The following CEP112 variants were observed in gnomAD, a reference collection of about 807,000 sequenced individuals.
The protein encoded by CEP112 is centrosomal protein 112.
CEP112 carries 127 observed loss-of-function variants against 153.0 expected under a neutral mutation model. That is an observed-to-expected ratio of 0.83 (90% CI 0.72 to 0.96). CEP112 has a LOEUF of 0.96. Among genes scored for constraint, CEP112 ranks in the 40% least tolerant of loss-of-function variants. The pLI is 0.00. For missense variants in CEP112, 1,089 were observed against 1,101.2 expected, an observed-to-expected ratio of 0.99 and a Z score of 0.16; for synonymous variants, 358 against 374.4, an observed-to-expected ratio of 0.96 and a Z score of 0.51.
chr17:65,906,268 G>T (rs928972384), intron 19 of CEP112, among the ~76,000 whole-genome samples: 6 of 151,380 alleles, frequency 4.0e-5, no homozygotes, highest in South Asian at 2.1e-4. Context: ...GGCCTGTCGG[G>T]GGGGTAGGGG....
intron 21 of CEP112, among the ~76,000 whole-genome samples, chr17:65,768,189 C>T (rs538888577): frequency 3.3e-5 from 5 of 152,024 alleles, no homozygotes; most frequent in Admixed American, 6.6e-5. Context: ...ATTTATCCTA[C>T]ACTTTATTTT....
At chr17:65,884,572 A>C (rs995617627) in intron 20 of CEP112, among the ~76,000 whole-genome samples, 2 of 152,212 alleles carry the variant, frequency 1.3e-5, no homozygotes, top group Non-Finnish European at 2.9e-5. Context: ...AAGTCTATGA[A>C]ACATTCTAGA....
chr17:66,054,214 A>G (rs552440207), intron 11 of CEP112, among the ~76,000 whole-genome samples: 22 of 152,308 alleles, frequency 1.4e-4, no homozygotes, highest in African/African-American at 5.3e-4. Flanking sequence ...ATGAGAAAAC[A>G]GAAACATTAT....
intron 20 of CEP112, among the ~76,000 whole-genome samples, chr17:65,889,843 G>C (rs1003480500): frequency 1.3e-5 from 2 of 151,988 alleles, no homozygotes; most frequent in Non-Finnish European, 2.9e-5. Flanking sequence ...CCTTGGCTAA[G>C]GCCCTCATCA....
intron 4 of CEP112, among the ~76,000 whole-genome samples, chr17:66,133,676 C>T (rs1272421895): frequency 6.6e-6 from 1 of 152,170 alleles, no homozygotes; most frequent in Non-Finnish European, 1.5e-5. Context: ...ATTCTCTGAA[C>T]AACTGCTTCA....
At position 66,066,903 on chromosome 17, in the gene CEP112, G is replaced by C. The variant is rs778839980; in HGVS notation, c.856-26C>G. ...CTGCAAATAAATTTAAAATATTTCA[G>C]TATATTGTACTACTTTACATATAGG... On this transcript the variant is annotated intron_variant, in intron 9 of 26. Coordinates refer to ENST00000535342, the MANE Select transcript of CEP112 (RefSeq NM_001199165.4). 7 of 1,410,244 alleles carry C rather than the reference G, an allele frequency of 5.0e-6. No individual in the cohort carries two copies. The Admixed American group carries it at 1.7e-4, about 34-fold the overall frequency. The allele number at this position is 1,410,244 out of a possible 1,614,324, so 87.4% of individuals were successfully genotyped here.
intron 20 of CEP112, among the ~76,000 whole-genome samples, chr17:65,857,658 T>C (rs761250691): frequency 6.6e-6 from 1 of 152,212 alleles, no homozygotes; most frequent in Non-Finnish European, 1.5e-5. Context: ...TGGATTCAGT[T>C]TGCTAATAAT....
At chr17:66,006,993 T>A (rs1248018920) in intron 16 of CEP112, among the ~76,000 whole-genome samples, 3 of 152,250 alleles carry the variant, frequency 2.0e-5, no homozygotes, top group African/African-American at 4.8e-5. Flanking sequence ...TGTAGTTAGC[T>A]ATTTATATCA....
chr17:65,960,129 G>C (rs961152144), intron 18 of CEP112, among the ~76,000 whole-genome samples: 1 of 152,020 alleles, frequency 6.6e-6, no homozygotes, highest in African/African-American at 2.4e-5. Flanking sequence ...AAAATAATAA[G>C]TGAGTATTGA....
intron 20 of CEP112, among the ~76,000 whole-genome samples, chr17:65,865,291 C>G (rs1278265436): frequency 6.6e-6 from 1 of 152,128 alleles, no homozygotes; most frequent in East Asian, 1.9e-4. Flanking sequence ...ATCTGCCCAT[C>G]TTGGCCTCCC....
At chr17:65,878,193 A>C (rs115325437) in intron 20 of CEP112, among the ~76,000 whole-genome samples, 2 of 151,356 alleles carry the variant, frequency 1.3e-5, no homozygotes, top group Non-Finnish European at 2.9e-5. Flanking sequence ...TCTCATTGCA[A>C]AAAAAGAAGG....
At chr17:66,104,252 A>G (rs1462087072) in intron 6 of CEP112, among the ~76,000 whole-genome samples, 1 of 152,172 alleles carries the variant, frequency 6.6e-6, no homozygotes, top group Non-Finnish European at 1.5e-5. Context: ...GGGATGAGTA[A>G]AAAGAATTTT....
intron 18 of CEP112, among the ~76,000 whole-genome samples, chr17:65,941,177 T>A (rs979808384): frequency 1.3e-5 from 2 of 152,060 alleles, no homozygotes; most frequent in Non-Finnish European, 2.9e-5. Flanking sequence ...TTAAGACAAA[T>A]CTACATATAA....
intron 19 of CEP112, among the ~76,000 whole-genome samples, chr17:65,910,323 T>A (rs866787027): frequency 4.5e-4 from 69 of 152,094 alleles, no homozygotes; most frequent in African/African-American, 1.6e-3. Flanking sequence ...GAATATTATA[T>A]CAGTCCATTT....
At chr17:65,997,710 AAC>A (rs1465950607) in intron 17 of CEP112, among the ~76,000 whole-genome samples, 1 of 152,128 alleles carries the variant, frequency 6.6e-6, no homozygotes, top group Non-Finnish European at 1.5e-5. Flanking sequence ...TAAGCTATAA[AAC>A]ATACATATAT....
intron 4 of CEP112, among the ~76,000 whole-genome samples, chr17:66,142,635 C>A (rs2070752959): frequency 6.6e-6 from 1 of 152,086 alleles, no homozygotes; most frequent in Non-Finnish European, 1.5e-5. Context: ...GTTCTTGGCA[C>A]CTCTGTCAAA....
At chr17:66,096,067 A>T (rs1042179708) in intron 8 of CEP112, among the ~76,000 whole-genome samples, 184 bp downstream of exon 8, 1 of 152,178 alleles carries the variant, frequency 6.6e-6, no homozygotes, top group East Asian at 1.9e-4. Context: ...TCTCTGGAAA[A>T]ACAAAAACAA....
At chr17:65,837,623 C>T (rs894068144) in intron 21 of CEP112, among the ~76,000 whole-genome samples, 16 of 152,074 alleles carry the variant, frequency 1.1e-4, no homozygotes, top group African/African-American at 1.9e-4. Flanking sequence ...GCCATGATGA[C>T]GATGGCAGTT....
In CEP112 at chr17:65,966,759, C is replaced by G. The variant is rs538830103; in HGVS notation, c.1737-5161G>C. On this transcript the variant is annotated intron_variant, in intron 17 of 26. Coordinates refer to ENST00000535342, the MANE Select transcript of CEP112 (RefSeq NM_001199165.4). Reference sequence around the variant, plus strand: ...CCTCTTCTTCACTTGACTTCTAAAACTAGTAGTCTCTGCTAAATTCTAGTT... The same window carrying G: ...CCTCTTCTTCACTTGACTTCTAAAAGTAGTAGTCTCTGCTAAATTCTAGTT... Among the ~76,000 whole-genome samples the G allele has an allele frequency of 2.0e-5, 3 of 152,364 alleles. No individual in the cohort carries two copies. In the East Asian group the frequency reaches 5.8e-4, roughly 29 times the overall value.
Sources: allele counts gnomAD v4.1 joint callset (sites outside exome capture counted in the v4.1 genomes callset), GRCh38; gene constraint gnomAD v4.1.1; transcripts MANE v1.5; gene names NCBI Gene and HGNC (gene_info 2026-07-23, HGNC 2026-07-21).